The following ACSS3 variants were observed in gnomAD, a reference collection of about 807,000 sequenced individuals.
The protein encoded by ACSS3 is acyl-CoA synthetase short-chain family member 3, mitochondrial.
Under a neutral mutation model 84.2 loss-of-function variants are expected in ACSS3, and 64 were observed. The observed-to-expected ratio is 0.76, with a 90% CI of 0.62 to 0.94. The LOEUF is 0.94. Ranked by LOEUF, ACSS3 falls within the 40% of genes least tolerant of loss-of-function variation. ACSS3 has a pLI of 0.00. For missense variants in ACSS3, 815 were observed against 867.6 expected, an observed-to-expected ratio of 0.94 and a Z score of 0.76; for synonymous variants, 317 against 310.1, an observed-to-expected ratio of 1.02 and a Z score of -0.23.
At chr12:81,245,826 CTTG>C (rs1431106218) in intron 13 of ACSS3, among the ~76,000 whole-genome samples, 1 of 152,012 alleles carries the variant, frequency 6.6e-6, no homozygotes, top group Non-Finnish European at 1.5e-5. Context: ...TAACTTTCTA[CTTG>C]TTAGAATGGA....
chr12:81,152,162 G>T, intron 7 of ACSS3, 66 bp downstream of exon 7: 1 of 1,356,956 alleles, frequency 7.4e-7, no homozygotes, highest in Non-Finnish European at 1.0e-6. Flanking sequence ...TCATGAAGCA[G>T]TCCTGAGTAG....
chr12:81,229,445 T>G (rs2033382235), intron 11 of ACSS3, among the ~76,000 whole-genome samples: 1 of 151,934 alleles, frequency 6.6e-6, no homozygotes, highest in Admixed American at 6.6e-5. Context: ...TTAGTATTTG[T>G]TATAGTCATA....
intron 7 of ACSS3, among the ~76,000 whole-genome samples, chr12:81,165,472 C>T (rs1307540062): frequency 3.9e-5 from 6 of 152,002 alleles, no homozygotes; most frequent in Non-Finnish European, 7.4e-5. Context: ...AGTGAAACCC[C>T]GTCTCTACTA....
intron 13 of ACSS3, among the ~76,000 whole-genome samples, chr12:81,248,240 G>A (rs868150895): frequency 4.6e-5 from 7 of 151,952 alleles, no homozygotes; most frequent in African/African-American, 1.7e-4. Context: ...GTATGTCAAA[G>A]GGCTACATTT....
intron 3 of ACSS3, among the ~76,000 whole-genome samples, chr12:81,136,083 A>G (rs1885784460): frequency 6.6e-6 from 1 of 152,192 alleles, no homozygotes; most frequent in African/African-American, 2.4e-5. Context: ...AACTAGTTTT[A>G]CAATCCATAT....
At chr12:81,238,209 C>T (rs938752013) in intron 13 of ACSS3, among the ~76,000 whole-genome samples, 3 of 151,556 alleles carry the variant, frequency 2.0e-5, no homozygotes, top group Non-Finnish European at 4.4e-5. Context: ...GGGTAAATTC[C>T]ACCTGGTCAT....
Position 81,227,422 on chromosome 12 carries a change from C to CACA in ACSS3, c.1515-3634_1515-3633insCAA, listed in dbSNP as rs1555182865. On this transcript the variant is annotated intron_variant, in intron 11 of 15. Transcript: ENST00000548058. ...TTACACACACACACACACACACACA[C>CACA]AAGTGTTGATTAGACTGAGCAGACC... Among the ~76,000 whole-genome samples the CACA allele has an allele frequency of 2.2e-3, 332 of 151,510 alleles. 3 individuals are homozygous for CACA. Among genetic ancestry groups the CACA allele is most frequent in the African/African-American group, 7.8e-3 (324 of 41,364 alleles).
At chr12:81,244,390 G>A (rs927748333) in intron 13 of ACSS3, among the ~76,000 whole-genome samples, 1 of 151,626 alleles carries the variant, frequency 6.6e-6, no homozygotes, top group African/African-American at 2.4e-5. Flanking sequence ...GCAATTCCTG[G>A]ATCTATGATT....
intron 8 of ACSS3, among the ~76,000 whole-genome samples, chr12:81,197,304 G>A (rs1253997224): frequency 6.6e-6 from 1 of 152,070 alleles, no homozygotes; most frequent in African/African-American, 2.4e-5. Flanking sequence ...ATTTTCTGTA[G>A]AATAATTAAA....
chr12:81,240,480 G>C (rs986295074), intron 13 of ACSS3, among the ~76,000 whole-genome samples: 4 of 151,844 alleles, frequency 2.6e-5, no homozygotes, highest in Non-Finnish European at 5.9e-5. Flanking sequence ...ATTGAGTCTT[G>C]TTTTTGATCT....
intron 1 of ACSS3, among the ~76,000 whole-genome samples, chr12:81,078,806 C>A (rs1301221381): frequency 6.6e-6 from 1 of 152,162 alleles, no homozygotes; most frequent in Non-Finnish European, 1.5e-5. Context: ...GGAATTATAA[C>A]TAAGTATCCT....
At chr12:81,182,557 A>C (rs1316786009) in intron 8 of ACSS3, among the ~76,000 whole-genome samples, 1 of 152,212 alleles carries the variant, frequency 6.6e-6, no homozygotes, top group Admixed American at 6.5e-5. Flanking sequence ...CATTGGTTAG[A>C]AGCACACAAT....
intron 4 of ACSS3, among the ~76,000 whole-genome samples, chr12:81,142,262 T>G (rs1189871762): frequency 1.3e-5 from 2 of 152,158 alleles, no homozygotes; most frequent in African/African-American, 4.8e-5. Context: ...AACTTCCTGA[T>G]GTGTGATCTT....
At chr12:81,189,034 A>C (rs1335578084) in intron 8 of ACSS3, among the ~76,000 whole-genome samples, 1 of 152,080 alleles carries the variant, frequency 6.6e-6, no homozygotes, top group African/African-American at 2.4e-5. Context: ...ATTTAACTGA[A>C]ATATTGTAGC....
At chr12:81,143,029 A>C in intron 4 of ACSS3, 78 bp from the exon 5 acceptor site, 2 of 1,331,584 alleles carry the variant, frequency 1.5e-6, no homozygotes, top group African/African-American at 2.9e-5. Context: ...GCTCAGACTT[A>C]AATAGATTTA....
At chr12:81,142,614 T>C (rs1030825495) in intron 4 of ACSS3, among the ~76,000 whole-genome samples, 6 of 152,194 alleles carry the variant, frequency 3.9e-5, no homozygotes, top group Admixed American at 6.5e-5. Context: ...GAATTAATGT[T>C]TTCTTATTTG....
At chr12:81,248,861 A>G (rs943083035) in intron 13 of ACSS3, among the ~76,000 whole-genome samples, 11 of 152,004 alleles carry the variant, frequency 7.2e-5, no homozygotes, top group African/African-American at 2.4e-4. Context: ...ATTTATAAAA[A>G]GAATTTCGAG....
chr12:81,082,426 T>A (rs1161235983), intron 1 of ACSS3, among the ~76,000 whole-genome samples: 1 of 151,812 alleles, frequency 6.6e-6, no homozygotes, highest in Admixed American at 6.6e-5. Context: ...ATGAGAGGGG[T>A]CTAGAGGAAA....
intron 12 of ACSS3, among the ~76,000 whole-genome samples, chr12:81,232,691 A>G (rs575050647): frequency 2.1e-3 from 325 of 151,892 alleles, no homozygotes; most frequent in African/African-American, 7.6e-3. Flanking sequence ...TCTAAGAAAC[A>G]CAATAGTGGC....
Sources: gnomAD v4.1 joint callset for allele counts (sites outside exome capture counted in the v4.1 genomes callset) on GRCh38, gnomAD v4.1.1 for gene constraint, MANE v1.5 for transcripts, NCBI Gene and HGNC (gene_info 2026-07-23, HGNC 2026-07-21) for gene names.